Variants in TCF4 observed in about 807,000 individuals in gnomAD.
The protein encoded by TCF4 is transcription factor 4.
In TCF4, 3 loss-of-function variants were observed where a neutral mutation model predicts 82.1. The ratio of observed to expected loss-of-function variants is 0.04; its 90% CI spans 0.02 to 0.09. The LOEUF is 0.09. Among genes scored for constraint, TCF4 ranks in the 10% least tolerant of loss-of-function variants. The pLI is 1.00. For synonymous variants in TCF4, 276 were observed against 309.6 expected (o/e 0.89, Z 1.14); for missense variants, 518 against 852.7 (o/e 0.61, Z 4.89).
At chr18:55,293,691 T>C (rs1421175705) in intron 8 of TCF4, among the ~76,000 whole-genome samples, 2 of 152,066 alleles carry the variant, frequency 1.3e-5, no homozygotes, top group Non-Finnish European at 2.9e-5. Context: ...GGTATTTAAT[T>C]TGTAGAGCAT....
intron 2 of TCF4, among the ~76,000 whole-genome samples, chr18:55,629,212 A>G (rs2097729357): frequency 6.6e-6 from 1 of 152,224 alleles, no homozygotes; most frequent in Admixed American, 6.5e-5. Flanking sequence ...TATATTTGGT[A>G]TGCTGACAAG....
rs10566649 is a variant in TCF4 at position 55,370,427 on chromosome 18, T to TGATAGATAGATA, written c.370-19436_370-19425dup. Among the ~76,000 whole-genome samples, 263 of 145,066 alleles carry TGATAGATAGATA rather than the reference T, an allele frequency of 1.8e-3. 1 individual carries two copies. Among genetic ancestry groups the TGATAGATAGATA allele is most frequent in the South Asian group, 3.2e-3 (14 of 4,362 alleles). On this transcript the variant is annotated intron_variant, in intron 6 of 19. Coordinates refer to ENST00000354452, the MANE Select transcript of TCF4 (RefSeq NM_001083962.2). ...GTAGGTATGTAGATAGATAGACAGA[T>TGATAGATAGATA]GATAGATAGATAGATAGATAGATAG...
chr18:55,385,520 G>T (rs2092512659), intron 6 of TCF4, among the ~76,000 whole-genome samples: 1 of 152,128 alleles, frequency 6.6e-6, no homozygotes, highest in South Asian at 2.1e-4. Flanking sequence ...TCCTGCCTCA[G>T]CATCCCGAGT....
chr18:55,351,834 C>A (rs1037969132), intron 6 of TCF4: 8 of 920,522 alleles, frequency 8.7e-6, no homozygotes, highest in Middle Eastern at 5.6e-4. Context: ...CTGCATTGAA[C>A]ACATTGTTCT....
At chr18:55,383,924 C>T (rs1407563004) in intron 6 of TCF4, 1 of 152,212 alleles carries the variant, frequency 6.6e-6, no homozygotes, top group African/African-American at 2.4e-5. Flanking sequence ...AACTTCTCAT[C>T]CTCTTCCAAG....
chr18:55,583,427 T>G (rs1039760561), intron 3 of TCF4, among the ~76,000 whole-genome samples: 2 of 152,114 alleles, frequency 1.3e-5, no homozygotes, highest in Non-Finnish European at 2.9e-5. Context: ...CAAAATGCAT[T>G]AATACATATT....
intron 3 of TCF4, among the ~76,000 whole-genome samples, chr18:55,528,397 C>A (rs2097017012): frequency 6.6e-6 from 1 of 152,176 alleles, no homozygotes; most frequent in Non-Finnish European, 1.5e-5. Flanking sequence ...CAGTGCATAA[C>A]CCAGAAGTCT....
intron 5 of TCF4, chr18:55,403,993 GTCTCTC>G (rs748773770): frequency 1.6e-6 from 2 of 1,213,484 alleles, no homozygotes; most frequent in Non-Finnish European, 2.1e-6. Context: ...AAAATTCTGA[GTCTCTC>G]TCTCTCTCTC....
At chr18:55,482,054 G>C (rs2096444651) in intron 3 of TCF4, 1 of 152,192 alleles carries the variant, frequency 6.6e-6, no homozygotes, top group African/African-American at 2.4e-5. Context: ...CTAGGGGTGA[G>C]AAAAGCCTGA....
At chr18:55,614,876 GC>G (rs1378144385) in intron 2 of TCF4, among the ~76,000 whole-genome samples, 1 of 152,054 alleles carries the variant, frequency 6.6e-6, no homozygotes, top group African/African-American at 2.4e-5. Context: ...TGTCAATTTA[GC>G]TTTTCCACTT....
rs558515247 is a variant in TCF4 at position 55,350,621 on chromosome 18, T to C, written c.500-213A>G. On this transcript the variant is annotated intron_variant, in intron 7 of 19. Transcript: ENST00000354452. ...TTTAACTTTTTGCTACTTTGATCTT[T>C]TAATAGCTTCCTTATGGGTGCAGCT... Among the ~76,000 whole-genome samples the C allele has an allele frequency of 2.0e-5, 3 of 152,246 alleles. No individual in the cohort carries two copies. In the South Asian group the frequency reaches 6.2e-4, roughly 32 times the overall value.
At position 55,321,611 on chromosome 18, in the gene TCF4, C is replaced by T. The variant is rs980621478; in HGVS notation, c.549+28748G>A. On this transcript the variant is annotated intron_variant, in intron 8 of 19. Coordinates refer to ENST00000354452, the MANE Select transcript of TCF4 (RefSeq NM_001083962.2). ...CAAACAATGATCACCACCTAGGATG[C>T]TCATCCCTGCGACAATAAAACTTGT... is the stretch of plus-strand genomic sequence containing the variant. 2.0e-5 allele frequency: 31 copies of T among 1,535,630 alleles called. No individual in the cohort carries two copies. In the African/African-American group the frequency reaches 2.6e-4, roughly 13 times the overall value.
chr18:55,603,728 A>G (rs2097699556), intron 2 of TCF4, among the ~76,000 whole-genome samples: 1 of 152,154 alleles, frequency 6.6e-6, no homozygotes, highest in Admixed American at 6.5e-5. Context: ...ATCAACCCCA[A>G]GGGAAAACAT....
At chr18:55,356,303 G>A (rs1344926180) in intron 6 of TCF4, among the ~76,000 whole-genome samples, 1 of 152,176 alleles carries the variant, frequency 6.6e-6, no homozygotes, top group Non-Finnish European at 1.5e-5. Context: ...TTAAAAATGA[G>A]TTATATATGG....
Position 55,226,076 on chromosome 18 carries a change from C to T in TCF4, c.*1959G>A, listed in dbSNP as rs1385687901. On this transcript the variant is annotated 3_prime_UTR_variant, in exon 20 of 20. Transcript: ENST00000354452. ...TATTAAAACACATAATAACAAGAGTCTACATGTAAAAATATAACTTTTACA... is the reference window on the plus strand; with the variant it reads ...TATTAAAACACATAATAACAAGAGTTTACATGTAAAAATATAACTTTTACA... The T allele has an allele frequency of 6.6e-6, 1 of 152,352 alleles. No homozygotes were observed. 9.4% of individuals were successfully genotyped at this position (152,352 alleles called of 1,614,324 possible). A position where few individuals can be genotyped will look rare whatever the true frequency, so the allele number is the denominator to read the frequency against.
At chr18:55,621,807 T>C (rs1366096007) in intron 2 of TCF4, among the ~76,000 whole-genome samples, 1 of 77,528 alleles carries the variant, frequency 1.3e-5, no homozygotes, top group Non-Finnish European at 2.3e-5. Context: ...ATATGTTATA[T>C]TATATATTAT....
Position 55,402,144 on chromosome 18 carries a change from G to A in TCF4, c.369+1310C>T, listed in dbSNP as rs1438567683. On this transcript the variant is annotated intron_variant, in intron 6 of 19. Coordinates refer to ENST00000354452, the MANE Select transcript of TCF4 (RefSeq NM_001083962.2). ...AACAAACTGCCATGAACTGCACTCC[G>A]GCAGGAGCTCTTAACCAAGCACTGT... The A allele has an allele frequency of 4.9e-5, 48 of 985,282 alleles. No individual in the cohort carries two copies. In the Admixed American group the frequency reaches 2.4e-3, roughly 49 times the overall value. The allele number at this position is 985,282 out of a possible 1,614,324, so 61.0% of individuals were successfully genotyped here. A position where few individuals can be genotyped will look rare whatever the true frequency, so the allele number is the denominator to read the frequency against.
intron 3 of TCF4, among the ~76,000 whole-genome samples, chr18:55,540,601 T>TA (rs1188999326): frequency 6.6e-6 from 1 of 152,004 alleles, no homozygotes; most frequent in Non-Finnish European, 1.5e-5. Flanking sequence ...TTGCAAAAAA[T>TA]AAGAGAAATT....
At chr18:55,458,589 T>C (rs904400373) in intron 5 of TCF4, among the ~76,000 whole-genome samples, 70 of 152,218 alleles carry the variant, frequency 4.6e-4, no homozygotes, top group African/African-American at 1.6e-3. Flanking sequence ...ACACCAAATA[T>C]GGCTCATCTG....
Sources: gnomAD v4.1 joint callset for allele counts (sites outside exome capture counted in the v4.1 genomes callset) on GRCh38, gnomAD v4.1.1 for gene constraint, MANE v1.5 for transcripts, NCBI Gene and HGNC (gene_info 2026-07-23, HGNC 2026-07-21) for gene names.